The following KIZ variants were observed in gnomAD, a reference collection of about 807,000 sequenced individuals.
KIZ encodes kizuna centrosomal protein.
KIZ carries 68 observed loss-of-function variants against 79.6 expected under a neutral mutation model. The ratio of observed to expected loss-of-function variants is 0.85; its 90% CI spans 0.70 to 1.05. The LOEUF is 1.05. Among genes scored for constraint, KIZ ranks in the 50% least tolerant of loss-of-function variants. The pLI is 0.00. For synonymous variants in KIZ, 280 were observed against 281.8 expected (o/e 0.99, Z 0.06); for missense variants, 797 against 800.4 (o/e 1.00, Z 0.05).
At chr20:21,134,523 A>T (rs887790497) in intron 2 of KIZ, among the ~76,000 whole-genome samples, 6 of 152,144 alleles carry the variant, frequency 3.9e-5, no homozygotes, top group African/African-American at 1.4e-4. Flanking sequence ...ATTATTTATT[A>T]CAATTTTATC....
chr20:21,244,263 A>AC lies in KIZ; in HGVS notation c.1902dup (p.Val635ArgfsTer7), dbSNP rs1226907712. 6.2e-7 allele frequency: 1 copy of AC among 1,603,018 alleles called. No homozygotes were observed. The highest frequency in any genetic ancestry group is 8.5e-7 in the Non-Finnish European group (1 of 1,170,554). On this transcript the variant is annotated frameshift_variant, in exon 12 of 13. Coordinates refer to ENST00000619189, the MANE Select transcript of KIZ (RefSeq NM_018474.6). LOFTEE classifies it high-confidence loss of function. ...TTTGCAGGCATGAAAACAAAAAGAA[A>AC]CCCGTGATCAATTTAAAATCTAATG...
chr20:21,238,700 A>G (rs1227372128), intron 11 of KIZ, among the ~76,000 whole-genome samples: 1 of 152,068 alleles, frequency 6.6e-6, no homozygotes, highest in Non-Finnish European at 1.5e-5. Flanking sequence ...AGCCAATTTC[A>G]TGGTGTTTAT....
rs759155382 is a variant in KIZ, at chr20:21,145,671, G to A, written c.405+17G>A. Reference sequence around the variant, plus strand: ...AGAGAAAAGGTAATAAACTAAATTGGTAACCTTTCTGTTAACAGAGGAATT... The same window carrying A: ...AGAGAAAAGGTAATAAACTAAATTGATAACCTTTCTGTTAACAGAGGAATT... On this transcript the variant is annotated intron_variant, in intron 4 of 12. Transcript: ENST00000619189. The A allele has an allele frequency of 8.6e-7, 1 of 1,157,464 alleles. No homozygotes were observed. The highest frequency in any genetic ancestry group is 1.5e-5 in the South Asian group (1 of 65,354). 71.7% of individuals were successfully genotyped at this position (1,157,464 alleles called of 1,614,324 possible).
chr20:21,150,589 C>T (rs1030868310), intron 4 of KIZ, among the ~76,000 whole-genome samples: 1 of 152,192 alleles, frequency 6.6e-6, no homozygotes, highest in African/African-American at 2.4e-5. Flanking sequence ...TTTATATTAA[C>T]TGATTTCTTA....
chr20:21,202,913 T>G (rs925947268), intron 6 of KIZ, among the ~76,000 whole-genome samples: 41 of 152,202 alleles, frequency 2.7e-4, no homozygotes, highest in Admixed American at 2.5e-3. Flanking sequence ...TCACATTTCA[T>G]CAGTCTTGTT....
intron 6 of KIZ, among the ~76,000 whole-genome samples, chr20:21,183,746 G>A (rs144338643): frequency 2.1e-3 from 321 of 152,138 alleles, no homozygotes; most frequent in African/African-American, 7.4e-3. Context: ...TTTTTATGCA[G>A]TAGGACTCAT....
intron 6 of KIZ, among the ~76,000 whole-genome samples, chr20:21,179,339 C>A (rs1356481177): frequency 6.8e-6 from 1 of 146,980 alleles, no homozygotes; most frequent in African/African-American, 2.5e-5. Flanking sequence ...TTATTTATTT[C>A]TTCCAGGTTA....
Position 21,246,520 on chromosome 20 carries a change from G to A in KIZ, c.1966G>A (p.Ala656Thr). 4 of 1,612,190 alleles carry A rather than the reference G, an allele frequency of 2.5e-6. No homozygotes were observed. Among genetic ancestry groups the A allele is most frequent in the Non-Finnish European group, 3.4e-6 (4 of 1,178,388 alleles). Reference protein sequence around the residue: ...ESDDSNSEIEAALRPRNHNTD... With the variant: ...ESDDSNSEIETALRPRNHNTD... ...TGATGACAGTAACTCAGAAATTGAG[G>A]CTGCTTTACGCCCCAGAAACCATAA... is the stretch of plus-strand genomic sequence containing the variant. Residue 656 changes from alanine (A) to threonine (T), a missense_variant, in exon 13 of 13, where the codon GCT (alanine) becomes ACT (threonine). Ala to Thr is a moderately conservative substitution (Grantham distance 58, BLOSUM62 0). Transcript: ENST00000619189.
At chr20:21,227,601 C>A (rs548350572) in intron 9 of KIZ, among the ~76,000 whole-genome samples, 1 of 152,246 alleles carries the variant, frequency 6.6e-6, no homozygotes, top group African/African-American at 2.4e-5. Flanking sequence ...GACACTCTGT[C>A]TTTGATTTTA....
intron 6 of KIZ, among the ~76,000 whole-genome samples, chr20:21,171,797 C>T (rs1448526812): frequency 1.3e-5 from 2 of 152,214 alleles, no homozygotes; most frequent in African/African-American, 2.4e-5. Flanking sequence ...CTTGCAGTGT[C>T]TACCCTATTA....
intron 7 of KIZ, among the ~76,000 whole-genome samples, chr20:21,208,356 T>C (rs938035671): frequency 6.6e-6 from 1 of 152,204 alleles, no homozygotes; most frequent in African/African-American, 2.4e-5. Flanking sequence ...TCTGATCTCA[T>C]TTTAGTGACA....
rs555990088 is a variant in KIZ, at chr20:21,207,467, C to A, written c.1446+1883C>A. Among the ~76,000 whole-genome samples, 269 of 99,360 alleles carry A rather than the reference C, an allele frequency of 2.7e-3. 1 individual carries two copies. The highest frequency in any genetic ancestry group is 7.7e-3 in the Middle Eastern group (1 of 130). The allele number at this position is 99,360 out of a possible 152,430, so 65.2% of individuals were successfully genotyped here. A position where few individuals can be genotyped will look rare whatever the true frequency, so the allele number is the denominator to read the frequency against. On this transcript the variant is annotated intron_variant, in intron 7 of 12. Transcript: ENST00000619189. ...CTTCCTCCTTTCCCCCATCTTCGTA[C>A]CCCCCTCCCTTCCCTCTCCTTCTTT...
intron 9 of KIZ, among the ~76,000 whole-genome samples, chr20:21,217,875 AAAG>A (rs2036358451): frequency 6.6e-6 from 1 of 152,204 alleles, no homozygotes; most frequent in Admixed American, 6.5e-5. Flanking sequence ...AAGCAAACTC[AAAG>A]AAGAACATAA....
intron 9 of KIZ, among the ~76,000 whole-genome samples, chr20:21,219,079 A>G (rs930766314): frequency 2.6e-5 from 4 of 152,172 alleles, no homozygotes; most frequent in African/African-American, 9.7e-5. Flanking sequence ...GGGGGTGGGA[A>G]GCTGTGAAGT....
chr20:21,212,168 C>G (rs1457185622), intron 7 of KIZ, among the ~76,000 whole-genome samples: 1 of 152,172 alleles, frequency 6.6e-6, no homozygotes, highest in African/African-American at 2.4e-5. Context: ...GTCTTCGTCC[C>G]TGCTTATCAT....
chr20:21,183,876 T>C (rs908266044), intron 6 of KIZ, among the ~76,000 whole-genome samples: 2 of 152,294 alleles, frequency 1.3e-5, no homozygotes, highest in Non-Finnish European at 2.9e-5. Context: ...TCCGTCTGGA[T>C]CAACTCAGTT....
chr20:21,242,975 C>T (rs1394199859), intron 11 of KIZ, among the ~76,000 whole-genome samples: 4 of 152,192 alleles, frequency 2.6e-5, no homozygotes, highest in Non-Finnish European at 4.4e-5. Context: ...CCCTCCCCTG[C>T]AGCACCTAGC....
intron 3 of KIZ, among the ~76,000 whole-genome samples, chr20:21,138,422 G>A (rs1443946993): frequency 6.6e-6 from 1 of 152,204 alleles, no homozygotes; most frequent in Non-Finnish European, 1.5e-5. Flanking sequence ...ACAATGTTCT[G>A]TATCTATGCT....
At chr20:21,230,057 GA>G (rs1212334930) in intron 10 of KIZ, among the ~76,000 whole-genome samples, 3 of 151,646 alleles carry the variant, frequency 2.0e-5, no homozygotes, top group Non-Finnish European at 4.4e-5. Flanking sequence ...GATTAATACA[GA>G]AGGAAATCCA....
Sources: gnomAD v4.1 joint callset for allele counts (sites outside exome capture counted in the v4.1 genomes callset) on GRCh38, gnomAD v4.1.1 for gene constraint, MANE v1.5 for transcripts, NCBI Gene and HGNC (gene_info 2026-07-23, HGNC 2026-07-21) for gene names.